The following CFAP54 variants were observed in gnomAD, a reference collection of about 807,000 sequenced individuals.
CFAP54 encodes the protein cilia- and flagella-associated protein 54.
In CFAP54, 290 loss-of-function variants were observed where a neutral mutation model predicts 370.4. The ratio of observed to expected loss-of-function variants is 0.78; its 90% CI spans 0.71 to 0.86. The LOEUF (loss-of-function observed/expected upper bound fraction) is 0.86. Ranked by LOEUF, CFAP54 falls within the 40% of genes least tolerant of loss-of-function variation. The probability of loss-of-function intolerance (pLI) is 0.00; values close to 1 mark genes in which losing one functional copy is unlikely to be tolerated. For missense variants in CFAP54, 3,399 were observed against 3,528.7 expected (o/e 0.96, Z 0.93); for synonymous variants, 1,206 against 1,236.5 (o/e 0.98, Z 0.52).
At chr12:96,795,297 G>A (rs1958749855) in intron 63 of CFAP54, among the ~76,000 whole-genome samples, 1 of 152,164 alleles carries the variant, frequency 6.6e-6, no homozygotes, top group African/African-American at 2.4e-5. Flanking sequence ...AGGGTTGCCT[G>A]GATAAATATT....
At chr12:96,567,315 T>C (rs995767692) in intron 19 of CFAP54, among the ~76,000 whole-genome samples, 2 of 152,078 alleles carry the variant, frequency 1.3e-5, no homozygotes, top group African/African-American at 2.4e-5. Flanking sequence ...GAAGTAAAGA[T>C]GTGTTCATAA....
intron 60 of CFAP54, among the ~76,000 whole-genome samples, chr12:96,781,221 G>A (rs987211374): frequency 6.6e-6 from 1 of 151,964 alleles, no homozygotes; most frequent in Non-Finnish European, 1.5e-5. Flanking sequence ...CTAGGAATAC[G>A]GTAAAAAGTG....
chr12:96,678,639 G>A (rs1244931872), intron 39 of CFAP54, among the ~76,000 whole-genome samples: 5 of 152,062 alleles, frequency 3.3e-5, no homozygotes, highest in African/African-American at 4.8e-5. Context: ...AGGCACAGCT[G>A]GCCTATCTTC....
intron 47 of CFAP54, among the ~76,000 whole-genome samples, chr12:96,707,727 A>G (rs1306826065): frequency 6.6e-6 from 1 of 152,176 alleles, no homozygotes; most frequent in Non-Finnish European, 1.5e-5. Context: ...AGCCTTAGGT[A>G]GCAGAAAGGA....
intron 45 of CFAP54, among the ~76,000 whole-genome samples, chr12:96,699,476 C>G (rs919060912): frequency 1.3e-5 from 2 of 152,040 alleles, no homozygotes; most frequent in African/African-American, 2.4e-5. Context: ...CACAGGTACC[C>G]TGAACTTAAA....
At chr12:96,759,461 A>G (rs1592746467) in intron 58 of CFAP54, among the ~76,000 whole-genome samples, 1 of 152,180 alleles carries the variant, frequency 6.6e-6, no homozygotes, top group Non-Finnish European at 1.5e-5. Context: ...CAATATGATC[A>G]TTATTTTCTG....
chr12:96,727,162 G>T (rs1263308946), intron 50 of CFAP54, among the ~76,000 whole-genome samples: 5 of 151,784 alleles, frequency 3.3e-5, no homozygotes, highest in Non-Finnish European at 7.4e-5. Flanking sequence ...GTTGATTTGG[G>T]GTGGAGAGTT....
chr12:96,821,147 T>C (rs148468337), intron 65 of CFAP54, among the ~76,000 whole-genome samples: 181 of 152,260 alleles, frequency 1.2e-3, no homozygotes, highest in African/African-American at 4.1e-3. Context: ...AATCCTGCTC[T>C]GAGATGGAGA....
chr12:96,715,718 A>G (rs964407972), intron 48 of CFAP54, among the ~76,000 whole-genome samples: 12 of 152,230 alleles, frequency 7.9e-5, no homozygotes, highest in Admixed American at 7.2e-4. Flanking sequence ...CAAGAAAACT[A>G]TGATAACAAA....
chr12:96,737,761 T>C (rs1359519221), intron 50 of CFAP54, among the ~76,000 whole-genome samples: 1 of 152,188 alleles, frequency 6.6e-6, no homozygotes, highest in African/African-American at 2.4e-5. Context: ...GTGCTGGGAT[T>C]ACAGGCATGA....
At chr12:96,604,418 C>T (rs1293945789) in intron 26 of CFAP54, among the ~76,000 whole-genome samples, 6 of 152,212 alleles carry the variant, frequency 3.9e-5, no homozygotes, top group Non-Finnish European at 1.5e-5. Context: ...GGGTCAGGGA[C>T]CCACTTGAGG....
At chr12:96,665,566 T>C (rs180682560) in intron 39 of CFAP54, among the ~76,000 whole-genome samples, 37 of 152,356 alleles carry the variant, frequency 2.4e-4, no homozygotes, top group Admixed American at 1.3e-3. Flanking sequence ...GCACCATTTA[T>C]TGAATAGGGA....
chr12:96,767,619 A>T (rs941130610), intron 60 of CFAP54, among the ~76,000 whole-genome samples: 4 of 152,140 alleles, frequency 2.6e-5, no homozygotes, highest in African/African-American at 9.7e-5. Context: ...TAATTAATTC[A>T]TGTTGATGAC....
Position 96,642,912 on chromosome 12 carries a change from G to T in CFAP54, c.4317-1266G>T, listed in dbSNP as rs77291837. Among the ~76,000 whole-genome samples, 3 of 152,194 alleles carry T rather than the reference G, an allele frequency of 2.0e-5. No individual in the cohort carries two copies. The East Asian group carries it at 5.8e-4, about 29-fold the overall frequency. On this transcript the variant is annotated intron_variant, in intron 32 of 67. Coordinates refer to ENST00000524981, the MANE Select transcript of CFAP54 (RefSeq NM_001306084.2). Reference sequence around the variant, plus strand: ...AGCATTCTGTACCCTCTGTGGGCTGGATGTGAATTCCCTTCTGAGCCACCT... The same window carrying T: ...AGCATTCTGTACCCTCTGTGGGCTGTATGTGAATTCCCTTCTGAGCCACCT...
chr12:96,490,537 C>T (rs557075725), intron 1 of CFAP54, among the ~76,000 whole-genome samples: 2 of 151,966 alleles, frequency 1.3e-5, no homozygotes, highest in South Asian at 2.1e-4. Context: ...ATACAAAATA[C>T]GAAAATTAGC....
In CFAP54 at chr12:96,521,986, G is replaced by A. The variant is rs760142995; in HGVS notation, c.1056+16G>A. ...CACAATGAAGGTATAAAAATTTCAT[G>A]AAATAAAAGAAATTTACCACACTCT... On this transcript the variant is annotated intron_variant, in intron 7 of 67. Transcript: ENST00000524981. The A allele has an allele frequency of 2.6e-6, 4 of 1,525,274 alleles. No individual in the cohort carries two copies. In the South Asian group the frequency reaches 4.8e-5, roughly 18 times the overall value. 94.5% of individuals were successfully genotyped at this position (1,525,274 alleles called of 1,614,324 possible). A position where few individuals can be genotyped will look rare whatever the true frequency, so the allele number is the denominator to read the frequency against.
intron 5 of CFAP54, among the ~76,000 whole-genome samples, chr12:96,518,590 G>A (rs1955266486): frequency 6.6e-6 from 1 of 152,162 alleles, no homozygotes; most frequent in South Asian, 2.1e-4. Context: ...GGAGGCTGAG[G>A]CATGAGAATC....
chr12:96,763,490 C>T (rs536352001), intron 58 of CFAP54, among the ~76,000 whole-genome samples: 20 of 152,078 alleles, frequency 1.3e-4, no homozygotes, highest in African/African-American at 4.8e-4. Context: ...CTTAAGATGC[C>T]ATTTTTGGAT....
intron 35 of CFAP54, among the ~76,000 whole-genome samples, chr12:96,651,260 A>T (rs1956854271): frequency 6.6e-6 from 1 of 152,196 alleles, no homozygotes; most frequent in African/African-American, 2.4e-5. Flanking sequence ...GAACGTAAGC[A>T]GCATGAGGGC....
Sources: gnomAD v4.1 joint callset for allele counts (sites outside exome capture counted in the v4.1 genomes callset) on GRCh38, gnomAD v4.1.1 for gene constraint, MANE v1.5 for transcripts, NCBI Gene and HGNC (gene_info 2026-07-23, HGNC 2026-07-21) for gene names.